CDC42BPA: variants seen among roughly 807,000 people sequenced by gnomAD.
CDC42BPA encodes the protein serine/threonine-protein kinase MRCK alpha.
In CDC42BPA, 80 loss-of-function variants were observed where a neutral mutation model predicts 223.5. The ratio of observed to expected loss-of-function variants is 0.36; its 90% CI spans 0.30 to 0.43. The LOEUF is 0.43. Among genes scored for constraint, CDC42BPA ranks in the 20% least tolerant of loss-of-function variants. The pLI is 1.00. For synonymous variants in CDC42BPA, 694 were observed against 718.6 expected (o/e 0.97, Z 0.55); for missense variants, 1,743 against 2,099.9 (o/e 0.83, Z 3.32).
intron 27 of CDC42BPA, among the ~76,000 whole-genome samples, chr1:227,032,079 A>G (rs888737799): frequency 6.6e-5 from 10 of 152,196 alleles, no homozygotes; most frequent in African/African-American, 2.4e-4. Flanking sequence ...TCAGAAATAT[A>G]TTCTCTGTTA....
chr1:227,074,416 AAT>A (rs1679045749), intron 17 of CDC42BPA, 52 bp from the exon 18 acceptor site: 1 of 1,251,338 alleles, frequency 8.0e-7, no homozygotes, highest in South Asian at 1.3e-5. Flanking sequence ...GCTTCAGTGC[AAT>A]ATATGTTATT....
chr1:227,053,732 G>A (rs1027116417), intron 21 of CDC42BPA, among the ~76,000 whole-genome samples: 1 of 152,006 alleles, frequency 6.6e-6, no homozygotes, highest in Admixed American at 6.5e-5. Context: ...ATTTTGACCA[G>A]GAAAAGAAAA....
At chr1:227,080,761 C>T in intron 17 of CDC42BPA, 132 bp downstream of exon 17, 1 of 1,014,630 alleles carries the variant, frequency 9.9e-7, no homozygotes, top group East Asian at 2.4e-5. Flanking sequence ...TAAAACTGTG[C>T]TTTTCAGAGT....
At chr1:227,234,083 T>A (rs536288364) in intron 2 of CDC42BPA, among the ~76,000 whole-genome samples, 1 of 152,204 alleles carries the variant, frequency 6.6e-6, no homozygotes, top group East Asian at 1.9e-4. Flanking sequence ...GTGGTGGAGG[T>A]GGGTTCCAGG....
chr1:227,182,797 T>TG (rs374422329), intron 5 of CDC42BPA: 68 of 152,290 alleles, frequency 4.5e-4, no homozygotes, highest in African/African-American at 1.6e-3. Context: ...CCACCCTCAA[T>TG]GTGGGCAAGC....
At chr1:227,151,190 A>G (rs1307888699) in intron 6 of CDC42BPA, among the ~76,000 whole-genome samples, 1 of 152,044 alleles carries the variant, frequency 6.6e-6, no homozygotes, top group Non-Finnish European at 1.5e-5. Context: ...GGAAGCCACC[A>G]TTGTACTTTG....
intron 27 of CDC42BPA, 116 bp downstream of exon 27, chr1:227,033,218 T>A: frequency 1.6e-6 from 1 of 636,576 alleles, no homozygotes; most frequent in Non-Finnish European, 2.8e-6. Flanking sequence ...ATGGAATATA[T>A]AAAAGAATAT....
intron 21 of CDC42BPA, among the ~76,000 whole-genome samples, chr1:227,057,862 C>T (rs555536274): frequency 6.6e-6 from 1 of 152,066 alleles, no homozygotes; most frequent in Middle Eastern, 3.4e-3. Context: ...TCTAGGTGTC[C>T]AAGGCCCCAG....
At chr1:227,290,148 TA>T (rs1331906988) in intron 1 of CDC42BPA, among the ~76,000 whole-genome samples, 1 of 152,212 alleles carries the variant, frequency 6.6e-6, no homozygotes, top group Non-Finnish European at 1.5e-5. Flanking sequence ...ATTTCAACTT[TA>T]TTTCCCACTA....
intron 1 of CDC42BPA, among the ~76,000 whole-genome samples, chr1:227,275,991 G>C (rs912284667): frequency 2.0e-5 from 3 of 150,060 alleles, no homozygotes; most frequent in Non-Finnish European, 4.4e-5. Flanking sequence ...GCCTCCCAAA[G>C]TGCCGAGATG....
intron 14 of CDC42BPA, among the ~76,000 whole-genome samples, chr1:227,103,270 T>A (rs559125275): frequency 6.6e-6 from 1 of 152,014 alleles, no homozygotes; most frequent in African/African-American, 2.4e-5. Flanking sequence ...GAATTGATAG[T>A]TGAGTAAAGC....
Position 227,119,893 on chromosome 1 carries a change from T to G in CDC42BPA, c.1558A>C (p.Arg520=). ...EQQLEEANAV[R]QELDDAFRQI... ...CTAAAAGCATCATCTAGTTCTTGCC[T>G]CACAGCATTAGCTTCTTCAAGTTGC... Residue 520 remains arginine, a synonymous_variant, in exon 12 of 37, where the codon AGG becomes CGG. Transcript: ENST00000366766. The G allele has an allele frequency of 6.2e-7, 1 of 1,601,950 alleles. No homozygotes were observed. Among genetic ancestry groups the G allele is most frequent in the Non-Finnish European group, 8.5e-7 (1 of 1,174,352 alleles).
Position 227,193,929 on chromosome 1 carries a change from C to A in CDC42BPA, c.456G>T (p.Leu152=), listed in dbSNP as rs1205837915. The part of the protein sequence containing the change: ...YAFQDDNNLY[L]VMDYYVGGDL... ...CCCCACCAACATAATAATCCATAAC[C>A]AGGTACTGTGAATGAAAAAAATAAA... The change falls in exon 5 of 37, where the codon CTG becomes CTT. Residue 152 remains leucine, a synonymous_variant. Transcript: ENST00000366766. 8 of 1,603,598 alleles carry A rather than the reference C, an allele frequency of 5.0e-6. No homozygotes were observed.
At chr1:227,069,980 A>G (rs190377350) in intron 20 of CDC42BPA, 127 bp from the exon 21 acceptor site, 159 of 548,970 alleles carry the variant, frequency 2.9e-4, no homozygotes, top group African/African-American at 2.8e-3. Context: ...GATCACTATA[A>G]TTAACTCTAC....
rs1558234832 is a variant in CDC42BPA, at chr1:226,994,415, T to C, written c.5134-16A>G. On this transcript the variant is annotated splice_polypyrimidine_tract_variant and intron_variant, in intron 36 of 36. Transcript: ENST00000366766. This position sits in a 1 kb window ranked among gnomAD's most constrained non-coding sequence, Gnocchi z 4.0. Reference sequence around the variant, plus strand: ...AGTCAGAGTCCTGTAAGGCCCAAAGTAAAACATTAATGAGAAGGAGGGGGA... The same window carrying C: ...AGTCAGAGTCCTGTAAGGCCCAAAGCAAAACATTAATGAGAAGGAGGGGGA... 6.7e-7 allele frequency: 1 copy of C among 1,492,100 alleles called. No individual in the cohort carries two copies. Among genetic ancestry groups the C allele is most frequent in the Admixed American group, 2.4e-5 (1 of 42,468 alleles). The allele number at this position is 1,492,100 out of a possible 1,614,324, so 92.4% of individuals were successfully genotyped here. A position where few individuals can be genotyped will look rare whatever the true frequency, so the allele number is the denominator to read the frequency against.
At chr1:227,032,791 A>T (rs929042465) in intron 27 of CDC42BPA, among the ~76,000 whole-genome samples, 1 of 152,206 alleles carries the variant, frequency 6.6e-6, no homozygotes. Context: ...GCTAACAGCC[A>T]GCACCCAGAT....
At chr1:227,167,430 C>T (rs1665239476) in intron 5 of CDC42BPA, among the ~76,000 whole-genome samples, 1 of 152,132 alleles carries the variant, frequency 6.6e-6, no homozygotes, top group South Asian at 2.1e-4. Flanking sequence ...CCTGTAATGA[C>T]TTCTCTATGA....
intron 2 of CDC42BPA, among the ~76,000 whole-genome samples, chr1:227,253,239 A>AGGG (rs1558875651): frequency 1.4e-5 from 2 of 142,276 alleles, no homozygotes; most frequent in African/African-American, 5.4e-5. Context: ...GGAGAGAGAG[A>AGGG]AAGAGAGCGA....
At chr1:227,263,990 T>C (rs1448110974) in intron 1 of CDC42BPA, among the ~76,000 whole-genome samples, 1 of 152,216 alleles carries the variant, frequency 6.6e-6, no homozygotes, top group African/African-American at 2.4e-5. Flanking sequence ...TAACTCCAGA[T>C]ATATGTTCCA....
Sources: gnomAD v4.1 joint callset for allele counts (sites outside exome capture counted in the v4.1 genomes callset) on GRCh38, gnomAD v4.1.1 for gene constraint, Gnocchi (gnomAD v3.1) non-coding constraint, MANE v1.5 for transcripts, NCBI Gene and HGNC (gene_info 2026-07-23, HGNC 2026-07-21) for gene names.